GFRA1: variants seen among roughly 807,000 people sequenced by gnomAD.
The protein encoded by GFRA1 is GDNF family receptor alpha-1.
A neutral mutation model predicts 51.6 loss-of-function variants in GFRA1; 16 were observed. The observed-to-expected ratio is 0.31, with a 90% CI of 0.21 to 0.47. The LOEUF is 0.47. Ranked by LOEUF, GFRA1 falls within the 20% of genes least tolerant of loss-of-function variation. The pLI, the probability that GFRA1 is intolerant of heterozygous loss-of-function variation, is 1.00. For missense variants in GFRA1, 530 were observed against 594.3 expected, an observed-to-expected ratio of 0.89 and a Z score of 1.13; for synonymous variants, 270 against 241.3, an observed-to-expected ratio of 1.12 and a Z score of -1.10.
chr10:116,123,102 C>G (rs896769714), intron 6 of GFRA1, among the ~76,000 whole-genome samples: 5 of 152,230 alleles, frequency 3.3e-5, no homozygotes, highest in Non-Finnish European at 5.9e-5. Context: ...CCTACAGCTT[C>G]TTGGCTGCAT....
intron 5 of GFRA1, among the ~76,000 whole-genome samples, chr10:116,178,893 A>G (rs1012877001): frequency 1.3e-5 from 2 of 152,094 alleles, no homozygotes; most frequent in East Asian, 3.9e-4. Flanking sequence ...GGTCCTCTGA[A>G]GGTCTGGTGT....
chr10:116,097,021 GA>G (rs1336837399), intron 6 of GFRA1, among the ~76,000 whole-genome samples: 1 of 152,102 alleles, frequency 6.6e-6, no homozygotes, highest in African/African-American at 2.4e-5. Context: ...TATTCAGAGA[GA>G]AGTCTTCAGG....
Position 116,249,735 on chromosome 10 carries a change from T to C in GFRA1, c.418+19768A>G, listed in dbSNP as rs1425193788. Among the ~76,000 whole-genome samples the C allele has an allele frequency of 2.0e-5, 3 of 152,190 alleles. No homozygotes were observed. In the East Asian group the frequency reaches 5.8e-4, roughly 29 times the overall value. On this transcript the variant is annotated intron_variant, in intron 4 of 10. Transcript: ENST00000355422. ...TTCACTCATTCATTCATTCAACAAATATCTACTCAGCACCTACTACATAGT... is the reference window on the plus strand; with the variant it reads ...TTCACTCATTCATTCATTCAACAAACATCTACTCAGCACCTACTACATAGT...
intron 5 of GFRA1, among the ~76,000 whole-genome samples, chr10:116,147,016 T>G (rs1179380007): frequency 2.0e-5 from 1 of 49,830 alleles, no homozygotes; most frequent in Non-Finnish European, 4.2e-5. Context: ...GTGAATTTAT[T>G]TATTTATTTG....
chr10:116,085,532 C>T (rs892374944), intron 9 of GFRA1, among the ~76,000 whole-genome samples: 6 of 152,092 alleles, frequency 3.9e-5, no homozygotes, highest in African/African-American at 1.4e-4. Flanking sequence ...TCCTCCTCCC[C>T]GGCAAATGAT....
intron 5 of GFRA1, among the ~76,000 whole-genome samples, chr10:116,143,924 C>G (rs1958682347): frequency 6.6e-6 from 1 of 152,132 alleles, no homozygotes; most frequent in Admixed American, 6.6e-5. Context: ...GTGTGCTGGC[C>G]TAAATGTTCT....
chr10:116,143,427 C>T (rs1360888361), intron 5 of GFRA1, among the ~76,000 whole-genome samples: 2 of 151,744 alleles, frequency 1.3e-5, no homozygotes, highest in Admixed American at 6.6e-5. Context: ...TATAGGATGA[C>T]AGATACCCTA....
chr10:116,186,127 G>A (rs1014308001), intron 5 of GFRA1, among the ~76,000 whole-genome samples: 2 of 152,186 alleles, frequency 1.3e-5, no homozygotes, highest in African/African-American at 4.8e-5. Flanking sequence ...GACCCTTAGT[G>A]CAGGGCCCAG....
chr10:116,182,347 G>T (rs2134279047), intron 5 of GFRA1, among the ~76,000 whole-genome samples: 1 of 152,278 alleles, frequency 6.6e-6, no homozygotes, highest in Middle Eastern at 3.4e-3. Flanking sequence ...AACATGTATT[G>T]CATATTTAGT....
At chr10:116,221,951 C>A (rs1426727132) in intron 4 of GFRA1, among the ~76,000 whole-genome samples, 2 of 152,042 alleles carry the variant, frequency 1.3e-5, no homozygotes, top group African/African-American at 4.8e-5. Context: ...GAAAGGACGT[C>A]CTGCTGGATT....
In GFRA1 at chr10:116,062,770, T is replaced by C. The variant is rs898530816; in HGVS notation, c.*1628A>G. On this transcript the variant is annotated 3_prime_UTR_variant, in exon 11 of 11. Coordinates refer to ENST00000355422, the MANE Select transcript of GFRA1 (RefSeq NM_005264.8). ...ATTGTAGATTCGGAATCTCGCCATC[T>C]AAACCAGACTTCAAAAGTGCACTTT... 2.0e-5 allele frequency: 3 copies of C among 152,184 alleles called. No homozygotes were observed. Among genetic ancestry groups the C allele is most frequent in the African/African-American group, 7.2e-5 (3 of 41,440 alleles). The allele number at this position is 152,184 out of a possible 1,614,324, so 9.4% of individuals were successfully genotyped here.
chr10:116,058,764 G>A lies in GFRA1; in HGVS notation c.*5634C>T, dbSNP rs528636517. 6 of 152,288 alleles carry A rather than the reference G, an allele frequency of 3.9e-5. No homozygotes were observed. Among genetic ancestry groups the A allele is most frequent in the East Asian group, 1.9e-4 (1 of 5,168 alleles). 9.4% of individuals were successfully genotyped at this position (152,288 alleles called of 1,614,324 possible). ...CCGTCAGAGTACTCACTCAGTAAAC[G>A]TGCTGACTTGGTAAGCATTTGATGT... On this transcript the variant is annotated 3_prime_UTR_variant, in exon 11 of 11. Transcript: ENST00000355422.
At position 116,189,210 on chromosome 10, in the gene GFRA1, C is replaced by G. The variant is rs115271593; in HGVS notation, c.433+22421G>C. ...TCTTCATAGACTTAAAGGTGGGATA[C>G]ACCTTCTTCCCCCACGAAGGGCAAC... On this transcript the variant is annotated intron_variant, in intron 5 of 10. Transcript: ENST00000355422. Among the ~76,000 whole-genome samples, 610 of 151,910 alleles carry G rather than the reference C, an allele frequency of 4.0e-3. 3 individuals carry two copies. Among genetic ancestry groups the G allele is most frequent in the African/African-American group, 0.013 (558 of 41,424 alleles).
chr10:116,153,880 T>A (rs1459942520), intron 5 of GFRA1, among the ~76,000 whole-genome samples: 1 of 152,070 alleles, frequency 6.6e-6, no homozygotes, highest in South Asian at 2.1e-4. Context: ...AAGCACTCTA[T>A]AAATCAATCA....
chr10:116,197,210 A>G (rs1280248532), intron 5 of GFRA1, among the ~76,000 whole-genome samples: 1 of 152,088 alleles, frequency 6.6e-6, no homozygotes, highest in African/African-American at 2.4e-5. Flanking sequence ...TGATTAATTC[A>G]TGGAAGCAGA....
intron 4 of GFRA1, among the ~76,000 whole-genome samples, chr10:116,254,110 C>A (rs1310955306): frequency 6.6e-6 from 1 of 151,736 alleles, no homozygotes; most frequent in African/African-American, 2.4e-5. Context: ...CACCTGAGGT[C>A]AGGAGTTTGA....
intron 8 of GFRA1, among the ~76,000 whole-genome samples, 157 bp from the exon 9 acceptor site, chr10:116,090,079 G>T (rs1160710245): frequency 6.6e-6 from 1 of 152,138 alleles, no homozygotes; most frequent in African/African-American, 2.4e-5. Context: ...CATGCTGAGA[G>T]CCAGTCTTTG....
chr10:116,263,297 A>G (rs1017338232), intron 4 of GFRA1, among the ~76,000 whole-genome samples: 5 of 152,224 alleles, frequency 3.3e-5, no homozygotes, highest in African/African-American at 1.2e-4. Flanking sequence ...GCCTTAGTGT[A>G]GCTTTAAAAA....
At chr10:116,169,345 G>A (rs1170829971) in intron 5 of GFRA1, among the ~76,000 whole-genome samples, 1 of 152,234 alleles carries the variant, frequency 6.6e-6, no homozygotes, top group African/African-American at 2.4e-5. Context: ...AGGAGGCAGG[G>A]AAATACTAGG....
Sources: gnomAD v4.1 joint callset for allele counts (sites outside exome capture counted in the v4.1 genomes callset) on GRCh38, gnomAD v4.1.1 for gene constraint, MANE v1.5 for transcripts, NCBI Gene and HGNC (gene_info 2026-07-23, HGNC 2026-07-21) for gene names.